The following PDZRN4 variants were observed in gnomAD, a reference collection of about 807,000 sequenced individuals.
PDZRN4 encodes the protein PDZ domain-containing RING finger protein 4.
Under a neutral mutation model 99.0 loss-of-function variants are expected in PDZRN4, and 70 were observed. That is an observed-to-expected ratio of 0.71 (90% CI 0.58 to 0.86). The LOEUF (loss-of-function observed/expected upper bound fraction) is 0.86. Among genes scored for constraint, PDZRN4 ranks in the 40% least tolerant of loss-of-function variants. PDZRN4 has a pLI of 0.00. For synonymous variants in PDZRN4, 551 were observed against 501.6 expected (o/e 1.10, Z -1.32); for missense variants, 1,474 against 1,331.2 (o/e 1.11, Z -1.67).
At position 41,572,452 on chromosome 12, in the gene PDZRN4, C is replaced by T; in HGVS notation, c.1673C>T (p.Thr558Ile). The change falls in exon 10 of 10, where the codon ACA becomes ATA. Residue 558 changes from threonine to isoleucine, a missense_variant. Thr to Ile is a moderately conservative substitution (Grantham distance 89). Coordinates refer to ENST00000402685, the MANE Select transcript of PDZRN4 (RefSeq NM_001164595.2). ...GAGAAGGACAGTGGAGTAGGACGTA[C>T]AGATGAAAGCTTGCGAAATGATGAG... ...NHEKDSGVGR[T>I]DESLRNDESS... The T allele has an allele frequency of 3.1e-6, 5 of 1,614,082 alleles. No individual in the cohort carries two copies. The highest frequency in any genetic ancestry group is 2.2e-5 in the South Asian group (2 of 91,088).
chr12:41,563,449 T>C (rs1399137187), intron 7 of PDZRN4, 99 bp from the exon 8 acceptor site: 7 of 852,064 alleles, frequency 8.2e-6, no homozygotes, highest in African/African-American at 6.6e-5. Flanking sequence ...GTGAGCTTCA[T>C]TGTCCATACA....
At chr12:41,343,178 G>T (rs1410694886) in intron 3 of PDZRN4, among the ~76,000 whole-genome samples, 2 of 151,804 alleles carry the variant, frequency 1.3e-5, no homozygotes, top group Non-Finnish European at 3.0e-5. Flanking sequence ...ATCTGGGAGG[G>T]TTGTATGCTT....
chr12:41,317,862 G>A (rs953151363), intron 3 of PDZRN4, among the ~76,000 whole-genome samples: 9 of 151,792 alleles, frequency 5.9e-5, no homozygotes, highest in Non-Finnish European at 1.0e-4. Flanking sequence ...ATTTTCAATC[G>A]CTTCCTATTT....
intron 3 of PDZRN4, among the ~76,000 whole-genome samples, chr12:41,430,266 G>A (rs771266377): frequency 9.2e-5 from 14 of 152,042 alleles, no homozygotes; most frequent in African/African-American, 2.4e-4. Context: ...TCAAGAGATC[G>A]AGACCATCCT....
At chr12:41,448,375 C>G (rs1396670577) in intron 3 of PDZRN4, among the ~76,000 whole-genome samples, 1 of 152,144 alleles carries the variant, frequency 6.6e-6, no homozygotes, top group Non-Finnish European at 1.5e-5. Flanking sequence ...GCCCTAATAC[C>G]TTATGGCTCA....
Position 41,567,825 on chromosome 12 carries a change from G to A in PDZRN4, c.1510G>A (p.Glu504Lys). ...GGAAGATGAAAGGAATGAATTCTTA[G>A]AGGAGTTAAACTTGGAGATGTTGGA... ...WLEDERNEFL[E>K]ELNLEMLEEE... Residue 504 changes from glutamate (E) to lysine (K), a missense_variant, in exon 9 of 10, where the codon GAG becomes AAG. Transcript: ENST00000402685. 6.2e-7 allele frequency: 1 copy of A among 1,613,554 alleles called. No individual in the cohort carries two copies. The highest frequency in any genetic ancestry group is 1.1e-5 in the South Asian group (1 of 91,028).
At chr12:41,246,004 G>A (rs144056664) in intron 3 of PDZRN4, among the ~76,000 whole-genome samples, 298 of 152,298 alleles carry the variant, frequency 2.0e-3, no homozygotes, top group African/African-American at 6.8e-3. Context: ...TCTCTAGGGA[G>A]ACAAAAGCCA....
intron 3 of PDZRN4, among the ~76,000 whole-genome samples, chr12:41,357,307 T>G (rs1951934700): frequency 1.3e-5 from 2 of 151,924 alleles, no homozygotes; most frequent in Admixed American, 1.3e-4. Context: ...CAATAAATAA[T>G]TTATTCATCC....
intron 3 of PDZRN4, among the ~76,000 whole-genome samples, chr12:41,366,952 G>A (rs545083319): frequency 2.0e-5 from 3 of 152,052 alleles, no homozygotes; most frequent in Non-Finnish European, 4.4e-5. Flanking sequence ...TGCTGGGGTG[G>A]TGATACAGAG....
At chr12:41,310,899 G>A (rs1951602340) in intron 3 of PDZRN4, among the ~76,000 whole-genome samples, 1 of 151,998 alleles carries the variant, frequency 6.6e-6, no homozygotes, top group Non-Finnish European at 1.5e-5. Context: ...ATAGGATTAA[G>A]GGAAATACAC....
intron 3 of PDZRN4, among the ~76,000 whole-genome samples, chr12:41,504,898 A>G (rs1159448132): frequency 6.6e-6 from 1 of 152,186 alleles, no homozygotes; most frequent in Non-Finnish European, 1.5e-5. Context: ...ATTCAAGAGC[A>G]AGAACTGAAT....
chr12:41,557,572 C>G (rs1212889478), intron 7 of PDZRN4, among the ~76,000 whole-genome samples: 1 of 152,162 alleles, frequency 6.6e-6, no homozygotes, highest in African/African-American at 2.4e-5. Context: ...GGCCTGGGCA[C>G]ATGTCCTGCC....
At chr12:41,568,119 G>A (rs113364321) in intron 9 of PDZRN4, among the ~76,000 whole-genome samples, 75 of 152,242 alleles carry the variant, frequency 4.9e-4, no homozygotes, top group African/African-American at 1.7e-3. Context: ...GGGGACAATT[G>A]TTAATACAGT....
intron 5 of PDZRN4, among the ~76,000 whole-genome samples, chr12:41,531,482 G>C (rs1039254800): frequency 4.7e-4 from 72 of 152,324 alleles, no homozygotes; most frequent in Admixed American, 4.6e-3. Flanking sequence ...CTGAGGTCCA[G>C]CCTCTTGTGT....
chr12:41,270,187 G>C (rs796110537), intron 3 of PDZRN4, among the ~76,000 whole-genome samples: 1 of 151,908 alleles, frequency 6.6e-6, no homozygotes, highest in South Asian at 2.1e-4. Context: ...AATTAAATGC[G>C]CTAATAGATG....
intron 3 of PDZRN4, among the ~76,000 whole-genome samples, chr12:41,280,966 C>T (rs1951381579): frequency 6.6e-6 from 1 of 152,166 alleles, no homozygotes; most frequent in African/African-American, 2.4e-5. Context: ...CAGGAGAGCT[C>T]CAGCTGGCAT....
chr12:41,377,291 T>A (rs1592034394), intron 3 of PDZRN4, among the ~76,000 whole-genome samples: 2 of 152,310 alleles, frequency 1.3e-5, no homozygotes, highest in South Asian at 4.1e-4. Flanking sequence ...AAGATTGCAT[T>A]GAATCTATAG....
intron 3 of PDZRN4, among the ~76,000 whole-genome samples, chr12:41,280,791 G>A (rs547293297): frequency 2.1e-4 from 32 of 152,148 alleles, no homozygotes; most frequent in Non-Finnish European, 3.5e-4. Flanking sequence ...TGCAGCTTCA[G>A]CAGACTTAAA....
At chr12:41,324,536 G>A (rs541578582) in intron 3 of PDZRN4, among the ~76,000 whole-genome samples, 33 of 152,054 alleles carry the variant, frequency 2.2e-4, no homozygotes, top group Non-Finnish European at 3.1e-4. Flanking sequence ...AATATTTTTC[G>A]TTTACACACA....
Sources: allele counts gnomAD v4.1 joint callset (sites outside exome capture counted in the v4.1 genomes callset), GRCh38; gene constraint gnomAD v4.1.1; transcripts MANE v1.5; gene names NCBI Gene and HGNC (gene_info 2026-07-23, HGNC 2026-07-21).